TC2N: variants seen among roughly 807,000 people sequenced by gnomAD.
TC2N encodes the protein tandem C2 domains nuclear protein.
In TC2N, 51 loss-of-function variants were observed where a neutral mutation model predicts 61.9. The observed-to-expected ratio is 0.82, with a 90% CI of 0.66 to 1.04. The LOEUF is 1.04. Among genes scored for constraint, TC2N ranks in the 50% least tolerant of loss-of-function variants. TC2N has a pLI of 0.00. For synonymous variants in TC2N, 204 were observed against 192.6 expected (o/e 1.06, Z -0.49); for missense variants, 556 against 566.7 (o/e 0.98, Z 0.19).
chr14:91,809,391 G>C (rs962480892), intron 3 of TC2N, among the ~76,000 whole-genome samples: 1 of 152,122 alleles, frequency 6.6e-6, no homozygotes, highest in African/African-American at 2.4e-5. Context: ...CTGGGCAACA[G>C]AGTGAGACTC....
In TC2N at chr14:91,781,111, G is replaced by A. The variant is rs561131451; in HGVS notation, c.*1989C>T. 1 of 152,048 alleles carries A rather than the reference G, an allele frequency of 6.6e-6. No individual in the cohort carries two copies. The highest frequency in any genetic ancestry group is 6.5e-5 in the Admixed American group (1 of 15,278). 9.4% of individuals were successfully genotyped at this position (152,048 alleles called of 1,614,324 possible). On this transcript the variant is annotated 3_prime_UTR_variant, in exon 12 of 12. Coordinates refer to ENST00000435962, the MANE Select transcript of TC2N (RefSeq NM_001128596.3). ...TAATTAAATATTAAGTTAAATGCATGACTACATATATTAAATTTGGAAATT... is the reference window on the plus strand; with the variant it reads ...TAATTAAATATTAAGTTAAATGCATAACTACATATATTAAATTTGGAAATT...
chr14:91,810,029 G>C (rs1254337195), intron 3 of TC2N, among the ~76,000 whole-genome samples: 5 of 152,160 alleles, frequency 3.3e-5, no homozygotes, highest in Non-Finnish European at 7.3e-5. Context: ...TTTGTAGTGT[G>C]TACAGGAAGC....
Position 91,792,351 on chromosome 14 carries a change from T to C in TC2N, c.1047+16A>G. 6.5e-7 allele frequency: 1 copy of C among 1,531,166 alleles called. No individual in the cohort carries two copies. 94.8% of individuals were successfully genotyped at this position (1,531,166 alleles called of 1,614,324 possible). On this transcript the variant is annotated intron_variant, in intron 9 of 11. Coordinates refer to ENST00000435962, the MANE Select transcript of TC2N (RefSeq NM_001128596.3). ...CTAAAAGTATGAAATACTCTTAACATACTATTATCGCTTACAGAAATTTTT... is the reference window on the plus strand; with the variant it reads ...CTAAAAGTATGAAATACTCTTAACACACTATTATCGCTTACAGAAATTTTT...
At chr14:91,846,005 C>T (rs1166988080) in intron 1 of TC2N, among the ~76,000 whole-genome samples, 1 of 152,216 alleles carries the variant, frequency 6.6e-6, no homozygotes, top group East Asian at 1.9e-4. Context: ...TATGGTTGGG[C>T]ACCCGTTGAT....
At chr14:91,830,231 A>C (rs1015105338) in intron 1 of TC2N, among the ~76,000 whole-genome samples, 4 of 152,230 alleles carry the variant, frequency 2.6e-5, no homozygotes, top group African/African-American at 9.6e-5. Context: ...ATTTCCACAC[A>C]AAAACATTTT....
chr14:91,829,016 AAAG>A (rs901824533), intron 1 of TC2N, among the ~76,000 whole-genome samples: 8 of 152,026 alleles, frequency 5.3e-5, no homozygotes, highest in African/African-American at 1.4e-4. Context: ...CCATTGTTAT[AAAG>A]AAGGCAGCTG....
chr14:91,823,972 T>C (rs1887380322), intron 1 of TC2N, among the ~76,000 whole-genome samples: 1 of 152,188 alleles, frequency 6.6e-6, no homozygotes, highest in African/African-American at 2.4e-5. Flanking sequence ...AGTATAAAAC[T>C]AGTGGTAGGG....
At chr14:91,789,378 C>T (rs537912259) in intron 9 of TC2N, among the ~76,000 whole-genome samples, 70 of 151,002 alleles carry the variant, frequency 4.6e-4, no homozygotes, top group East Asian at 1.2e-3. Context: ...AGGCGGATCA[C>T]GAGGTCAGAT....
chr14:91,808,652 C>T (rs1711856688), intron 3 of TC2N, among the ~76,000 whole-genome samples: 1 of 152,136 alleles, frequency 6.6e-6, no homozygotes, highest in South Asian at 2.1e-4. Context: ...CTTCAGTGAA[C>T]CTATAATTTA....
At chr14:91,843,489 AT>A (rs990053348) in intron 1 of TC2N, among the ~76,000 whole-genome samples, 2 of 152,176 alleles carry the variant, frequency 1.3e-5, no homozygotes, top group African/African-American at 4.8e-5. Context: ...AAATCTAAAT[AT>A]TTTTTAATAA....
At chr14:91,839,548 C>G (rs1892337126) in intron 1 of TC2N, among the ~76,000 whole-genome samples, 1 of 152,322 alleles carries the variant, frequency 6.6e-6, no homozygotes, top group Middle Eastern at 3.4e-3. Context: ...ATTTCCTGAG[C>G]ACACAGCATA....
At chr14:91,794,450 T>C (rs1885804902) in intron 8 of TC2N, among the ~76,000 whole-genome samples, 1 of 152,108 alleles carries the variant, frequency 6.6e-6, no homozygotes, top group Non-Finnish European at 1.5e-5. Context: ...CTAGGCTGAC[T>C]CTCTTGTTAG....
At chr14:91,853,082 A>G (rs886660986) in intron 1 of TC2N, among the ~76,000 whole-genome samples, 2 of 152,164 alleles carry the variant, frequency 1.3e-5, no homozygotes, top group Admixed American at 6.5e-5. Context: ...AAAACAAACA[A>G]ACAAACAAAC....
chr14:91,826,319 GA>G (rs61107451), intron 1 of TC2N, among the ~76,000 whole-genome samples: 29 of 139,950 alleles, frequency 2.1e-4, no homozygotes, highest in Non-Finnish European at 2.6e-4. Context: ...GACCTTGTCT[GA>G]AAAAAAAAAA....
intron 1 of TC2N, among the ~76,000 whole-genome samples, chr14:91,839,286 CTT>C (rs765969667): frequency 7.2e-5 from 11 of 152,202 alleles, no homozygotes; most frequent in Non-Finnish European, 1.6e-4. Flanking sequence ...TCCCTCTACC[CTT>C]CTCTTACAGG....
At position 91,812,366 on chromosome 14, in the gene TC2N, ATAACT is replaced by A. The variant is rs759966433; in HGVS notation, c.242_246del (p.Lys81IlefsTer18). The A allele has an allele frequency of 6.2e-7, 1 of 1,612,688 alleles. No homozygotes were observed. Among genetic ancestry groups the A allele is most frequent in the Admixed American group, 1.7e-5 (1 of 59,916 alleles). ...TCTTGTGTCCTGGGTTGAATGTAAG[ATAACT>A]TAAACTTGGGCACCACAAATGGTAC... On this transcript the variant is annotated frameshift_variant, in exon 3 of 12. Coordinates refer to ENST00000435962, the MANE Select transcript of TC2N (RefSeq NM_001128596.3). LOFTEE classifies it high-confidence loss of function.
At chr14:91,844,892 A>T (rs901286364) in intron 1 of TC2N, among the ~76,000 whole-genome samples, 1 of 152,036 alleles carries the variant, frequency 6.6e-6, no homozygotes, top group African/African-American at 2.4e-5. Context: ...GTCATTCTTC[A>T]TGGACCTACT....
chr14:91,819,423 GA>G (rs1057242426), intron 1 of TC2N, among the ~76,000 whole-genome samples: 18 of 151,952 alleles, frequency 1.2e-4, no homozygotes, highest in African/African-American at 3.4e-4. Context: ...TGTACTGAAA[GA>G]AAAAAACCCA....
chr14:91,862,679 A>G (rs570452534), intron 1 of TC2N, among the ~76,000 whole-genome samples: 1 of 152,334 alleles, frequency 6.6e-6, no homozygotes, highest in East Asian at 1.9e-4. Context: ...GGCCTGCCCC[A>G]TCCCTGCAGT....
Sources: allele counts gnomAD v4.1 joint callset (sites outside exome capture counted in the v4.1 genomes callset), GRCh38; gene constraint gnomAD v4.1.1; transcripts MANE v1.5; gene names NCBI Gene and HGNC (gene_info 2026-07-23, HGNC 2026-07-21).